Variants in BCL3 observed in about 807,000 individuals in gnomAD.
BCL3 encodes B-cell lymphoma 3 protein.
A neutral mutation model predicts 35.7 loss-of-function variants in BCL3; 15 were observed. The observed-to-expected ratio is 0.42, with a 90% CI of 0.28 to 0.65. The LOEUF is 0.65. BCL3 is among the 30% of genes least tolerant of loss of function. The pLI, the probability that BCL3 is intolerant of heterozygous loss-of-function variation, is 0.22. For synonymous variants in BCL3, 311 were observed against 284.3 expected (o/e 1.09, Z -0.95); for missense variants, 565 against 641.7 (o/e 0.88, Z 1.29).
In BCL3 at chr19:44,758,422, G is replaced by T; in HGVS notation, c.1059+9G>T. 1.3e-6 allele frequency: 2 copies of T among 1,539,836 alleles called. No individual in the cohort carries two copies. The highest frequency in any genetic ancestry group is 1.2e-5 in the South Asian group (1 of 82,824). On this transcript the variant is annotated intron_variant, in intron 7 of 8. Transcript: ENST00000164227. ...TGGCGCGCAGCCGCAGGGTGAGCCGGGGCAGCTGTGGACATGCCCCTTGCA... is the reference window on the plus strand; with the variant it reads ...TGGCGCGCAGCCGCAGGGTGAGCCGTGGCAGCTGTGGACATGCCCCTTGCA...
rs781540511 is a variant in BCL3, at chr19:44,758,302, G to C, written c.948G>C (p.Ala316=). The change falls in exon 7 of 9, where the codon GCG becomes GCC. Residue 316 remains alanine (A), a synonymous_variant. Coordinates refer to ENST00000164227, the MANE Select transcript of BCL3 (RefSeq NM_005178.5). ...CCGGCAGCTCCGCCCTGCACTCAGC[G>C]TCCGGCCGCGGGCTCCTCCCGCTGG... ...MYSGSSALHS[A]SGRGLLPLVR... 6.4e-7 allele frequency: 1 copy of C among 1,562,754 alleles called. No homozygotes were observed. The highest frequency in any genetic ancestry group is 8.6e-7 in the Non-Finnish European group (1 of 1,163,584).
intron 2 of BCL3, among the ~76,000 whole-genome samples, chr19:44,753,494 C>T (rs1176225407): frequency 6.6e-6 from 1 of 152,218 alleles, no homozygotes; most frequent in Non-Finnish European, 1.5e-5. Flanking sequence ...GCTGCTCTGC[C>T]TCCCCCACGT....
At chr19:44,751,407 AG>A in intron 2 of BCL3, 27 bp downstream of exon 2, 1 of 1,532,032 alleles carries the variant, frequency 6.5e-7, no homozygotes. Context: ...TATTAAGGGG[AG>A]GGGTGGTTGG....
intron 8 of BCL3, 24 bp from the exon 9 acceptor site, chr19:44,759,404 C>G: frequency 6.5e-7 from 1 of 1,547,902 alleles, no homozygotes; most frequent in Non-Finnish European, 8.8e-7. Context: ...ACCACCCACC[C>G]CTCTGTCTCT....
chr19:44,754,345 A>G (rs991915786), intron 2 of BCL3, among the ~76,000 whole-genome samples: 5 of 152,038 alleles, frequency 3.3e-5, no homozygotes, highest in African/African-American at 1.2e-4. Context: ...CCCTACACAC[A>G]CACACCTCAA....
Position 44,754,253 on chromosome 19 carries a change from T to C in BCL3, c.411-1979T>C, listed in dbSNP as rs1344316575. Among the ~76,000 whole-genome samples, 3 of 152,100 alleles carry C rather than the reference T, an allele frequency of 2.0e-5. No homozygotes were observed. In the East Asian group the frequency reaches 5.8e-4, roughly 29 times the overall value. ...GGGTGGATGCCGGGATAAGGAGGAC[T>C]TGCAGCCAGCTGGAGCCTGAGCTCT... On this transcript the variant is annotated intron_variant, in intron 2 of 8. Transcript: ENST00000164227.
rs141697775 is a variant in BCL3, at chr19:44,758,833, G to T, written c.1169G>T (p.Ser390Ile). ...NTSPESSSRL[S>I]SNGLLSASPS... is the part of the protein sequence containing the mutation. The stretch of plus-strand genomic sequence containing the variant: ...TCCCCCGAGAGCAGCAGCCGCCTCA[G>T]CTCCAATGGTGAGAAACCGTTCCCA... The change falls in exon 8 of 9, where the codon AGC becomes ATC. Residue 390 changes from serine (S) to isoleucine (I), a missense_variant. Ser to Ile is a moderately radical substitution (Grantham distance 142). Transcript: ENST00000164227. 6.9e-6 allele frequency: 11 copies of T among 1,595,166 alleles called. No homozygotes were observed. The highest frequency in any genetic ancestry group is 9.4e-6 in the Non-Finnish European group (11 of 1,172,444).
chr19:44,757,237 G>A lies in BCL3; in HGVS notation c.724+16G>A. ...AATTATGACGGTAAGCATTTACCGC[G>A]GGGCACCGCTGGGCTGTCCAGCGGA... On this transcript the variant is annotated intron_variant, in intron 4 of 8. Coordinates refer to ENST00000164227, the MANE Select transcript of BCL3 (RefSeq NM_005178.5). The surrounding 1 kb of genome is among the most constrained non-coding windows in gnomAD (Gnocchi z 8.4). The A allele has an allele frequency of 1.9e-6, 3 of 1,547,338 alleles. No individual in the cohort carries two copies. The highest frequency in any genetic ancestry group is 1.8e-6 in the Non-Finnish European group (2 of 1,141,522).
rs1404122388 is a variant in BCL3, at chr19:44,751,292, A to G, written c.322A>G (p.Thr108Ala). Residue 108 changes from threonine to alanine, a missense_variant, in exon 2 of 9, where the codon ACA becomes GCA. This residue lies in a region of BCL3 where 267 missense variants were observed against 281.5 expected (regional missense o/e 0.95). Transcript: ENST00000164227. Reference sequence around the variant, plus strand: ...CCCGTTTCCTCTGGTGAACCTGCCTACACCCCTATACCCCATGATGTGCCC... The same window carrying G: ...CCCGTTTCCTCTGGTGAACCTGCCTGCACCCCTATACCCCATGATGTGCCC... ...GSPFPLVNLP[T>A]PLYPMMCPME... 2 of 1,608,974 alleles carry G rather than the reference A, an allele frequency of 1.2e-6. No individual in the cohort carries two copies. The highest frequency in any genetic ancestry group is 3.4e-5 in the Admixed American group (2 of 58,646).
chr19:44,759,689 CTG>C lies in BCL3; in HGVS notation c.*77_*78del, dbSNP rs1242932900. On this transcript the variant is annotated 3_prime_UTR_variant, in exon 9 of 9. Coordinates refer to ENST00000164227, the MANE Select transcript of BCL3 (RefSeq NM_005178.5). ...CCTGTGGGGTCAACCCTTCTGGAAACTGTGAAGATCTCACTCTGCCCCCCCCC... is the reference window on the plus strand; with the variant it reads ...CCTGTGGGGTCAACCCTTCTGGAAACTGAAGATCTCACTCTGCCCCCCCCC... 1 of 986,302 alleles carries C rather than the reference CTG, an allele frequency of 1.0e-6. No individual in the cohort carries two copies. Among genetic ancestry groups the C allele is most frequent in the Non-Finnish European group, 1.5e-6 (1 of 689,366 alleles). The allele number at this position is 986,302 out of a possible 1,614,324, so 61.1% of individuals were successfully genotyped here.
rs771802418 is a variant in BCL3 at position 44,757,288 on chromosome 19, GC to G, written c.725-36del. 1.3e-5 allele frequency: 21 copies of G among 1,573,006 alleles called. No homozygotes were observed. The highest frequency in any genetic ancestry group is 6.0e-6 in the Non-Finnish European group (7 of 1,158,846). The stretch of plus-strand genomic sequence containing the variant: ...CCTGGAGTCCATCAGCGGCCGCAAA[GC>G]CCGGGCCTAGGTTTCACCGAGCCCT... On this transcript the variant is annotated intron_variant, in intron 4 of 8. Coordinates refer to ENST00000164227, the MANE Select transcript of BCL3 (RefSeq NM_005178.5). This position sits in a 1 kb window ranked among gnomAD's most constrained non-coding sequence, Gnocchi z 8.4.
Position 44,757,064 on chromosome 19 carries a change from G to A in BCL3, c.567G>A (p.Arg189=). Residue 189 remains arginine (R), a synonymous_variant, in exon 4 of 9, where the codon CGG becomes CGA. Coordinates refer to ENST00000164227, the MANE Select transcript of BCL3 (RefSeq NM_005178.5). The surrounding 1 kb of genome is among the most constrained non-coding windows in gnomAD (Gnocchi z 8.4). ...AVITTLPSVV[R]LLVTAGASPM... Reference sequence around the variant, plus strand: ...TCACCACATTACCGTCTGTGGTCCGGCTCCTGGTGACAGCTGGTGCCAGCC... The same window carrying A: ...TCACCACATTACCGTCTGTGGTCCGACTCCTGGTGACAGCTGGTGCCAGCC... The A allele has an allele frequency of 6.2e-7, 1 of 1,610,940 alleles. No homozygotes were observed. The highest frequency in any genetic ancestry group is 8.5e-7 in the Non-Finnish European group (1 of 1,178,946).
intron 2 of BCL3, among the ~76,000 whole-genome samples, chr19:44,754,086 G>C (rs1041313236): frequency 4.6e-5 from 7 of 152,226 alleles, no homozygotes; most frequent in African/African-American, 1.7e-4. Context: ...CAAAGGGCCA[G>C]GGTTTGAGGC....
Position 44,759,591 on chromosome 19 carries a change from C to T in BCL3, c.1341C>T (p.Pro447=), listed in dbSNP as rs139295630. ...GAGGCCCTGGCCGGCCGGTGCCCCC[C>T]TCCCCAGCTCCAGGAGGCAGCTGAG... ...VLRGPGRPVP[P]SPAPGGS is the part of the protein sequence containing the mutation. The change falls in exon 9 of 9, where the codon CCC becomes CCT. Residue 447 remains proline, a synonymous_variant. Coordinates refer to ENST00000164227, the MANE Select transcript of BCL3 (RefSeq NM_005178.5). The T allele has an allele frequency of 6.2e-7, 1 of 1,607,018 alleles. No individual in the cohort carries two copies.
At chr19:44,748,039 GC>G, upstream of BCL3, 1 of 1,343,474 alleles carries the variant, frequency 7.4e-7, no homozygotes, top group South Asian at 1.2e-5. Flanking sequence ...CCTGCCGAGT[GC>G]CAGTCCCTGC....
intron 8 of BCL3, 22 bp downstream of exon 8, chr19:44,758,863 C>T: frequency 6.5e-7 from 1 of 1,545,004 alleles, no homozygotes; most frequent in African/African-American, 1.4e-5. Context: ...TTCCCAACCT[C>T]CAGCCCTGGC....
rs1381182762 is a variant in BCL3, at chr19:44,757,562, C to G, written c.814-84C>G. On this transcript the variant is annotated intron_variant, in intron 5 of 8. Transcript: ENST00000164227. The surrounding 1 kb of genome is among the most constrained non-coding windows in gnomAD (Gnocchi z 8.4). ...CAGACCCAAGAGAGAGGCTGGACCC[C>G]GCGAATGGGATGTGGACGGGATGCG... is the stretch of plus-strand genomic sequence containing the variant. 3.9e-6 allele frequency: 6 copies of G among 1,554,714 alleles called. No homozygotes were observed. Among genetic ancestry groups the G allele is most frequent in the Middle Eastern group, 1.7e-4 (1 of 5,818 alleles).
intron 1 of BCL3, among the ~76,000 whole-genome samples, chr19:44,749,257 G>A (rs935648279): frequency 2.0e-5 from 3 of 149,856 alleles, no homozygotes; most frequent in Admixed American, 6.7e-5. Context: ...GGGACCCTGG[G>A]GGGCAAAGCC....
chr19:44,756,178 G>A (rs116951192), intron 2 of BCL3, 54 bp from the exon 3 acceptor site: 1 of 1,242,326 alleles, frequency 8.0e-7, no homozygotes, highest in Admixed American at 3.2e-5. Context: ...CAGCATGAGG[G>A]TGAGAGGTGA....
Sources: allele counts gnomAD v4.1 joint callset (sites outside exome capture counted in the v4.1 genomes callset), GRCh38; gene constraint gnomAD v4.1.1; regional missense constraint gnomAD v4.1.1; non-coding constraint Gnocchi (gnomAD v3.1); transcripts MANE v1.5; gene names NCBI Gene and HGNC (gene_info 2026-07-23, HGNC 2026-07-21).